The following IGF2BP2 variants were observed in gnomAD, a reference collection of about 807,000 sequenced individuals.
IGF2BP2 encodes the protein insulin-like growth factor 2 mRNA-binding protein 2.
In IGF2BP2, 17 loss-of-function variants were observed where a neutral mutation model predicts 75.8. The ratio of observed to expected loss-of-function variants is 0.22; its 90% CI spans 0.15 to 0.34. The LOEUF (loss-of-function observed/expected upper bound fraction) is 0.34, where lower values mean the gene tolerates loss of function less well. Among genes scored for constraint, IGF2BP2 ranks in the 10% least tolerant of loss-of-function variants. The probability of loss-of-function intolerance (pLI) is 1.00; values close to 1 mark genes in which losing one functional copy is unlikely to be tolerated. For synonymous variants in IGF2BP2, 288 were observed against 295.6 expected, an observed-to-expected ratio of 0.97 and a Z score of 0.26; for missense variants, 516 against 772.4, an observed-to-expected ratio of 0.67 and a Z score of 3.93.
intron 1 of IGF2BP2, 151 bp downstream of exon 1, chr3:185,824,632 G>C: frequency 2.4e-6 from 1 of 417,424 alleles, no homozygotes; most frequent in East Asian, 4.7e-5. Flanking sequence ...GAGCGGGCCG[G>C]CGGCGAGAGT....
intron 2 of IGF2BP2, among the ~76,000 whole-genome samples, chr3:185,802,511 A>G (rs569650768): frequency 8.0e-4 from 122 of 152,214 alleles, no homozygotes; most frequent in Non-Finnish European, 1.4e-3. Context: ...TGGCTAATGC[A>G]TCGTAGTGGG....
chr3:185,694,624 G>A (rs1286888331), intron 4 of IGF2BP2, among the ~76,000 whole-genome samples: 1 of 152,214 alleles, frequency 6.6e-6, no homozygotes, highest in Non-Finnish European at 1.5e-5. Context: ...GCTGGAAACT[G>A]GGGGGTCTCC....
intron 10 of IGF2BP2, among the ~76,000 whole-genome samples, chr3:185,668,034 G>C (rs930118369): frequency 6.6e-6 from 1 of 152,262 alleles, no homozygotes; most frequent in East Asian, 1.9e-4. Context: ...GAAAAAAAGT[G>C]TAACTTGTTT....
chr3:185,650,406 G>A (rs564632579), intron 13 of IGF2BP2, among the ~76,000 whole-genome samples: 1 of 152,108 alleles, frequency 6.6e-6, no homozygotes, highest in South Asian at 2.1e-4. Context: ...TCCAGGCGTG[G>A]TGGCTCACAC....
chr3:185,765,865 T>C (rs1578231181), intron 2 of IGF2BP2, among the ~76,000 whole-genome samples: 2 of 152,286 alleles, frequency 1.3e-5, no homozygotes, highest in East Asian at 3.9e-4. Context: ...GGGGGGAAAA[T>C]TCTTGTCCAC....
At chr3:185,782,492 A>G (rs1735340690) in intron 2 of IGF2BP2, among the ~76,000 whole-genome samples, 2 of 152,068 alleles carry the variant, frequency 1.3e-5, no homozygotes, top group Non-Finnish European at 2.9e-5. Flanking sequence ...GGTGTTCTCT[A>G]ATTTACCATG....
intron 7 of IGF2BP2, among the ~76,000 whole-genome samples, chr3:185,684,373 C>T (rs1390325355): frequency 1.3e-5 from 2 of 151,912 alleles, no homozygotes; most frequent in Non-Finnish European, 2.9e-5. Context: ...TCATTGGATA[C>T]TACATTTTTC....
Position 185,657,420 on chromosome 3 carries a change from GAAAGA to G in IGF2BP2, c.1270-23_1270-19del. 6.4e-7 allele frequency: 1 copy of G among 1,573,684 alleles called. No homozygotes were observed. The highest frequency in any genetic ancestry group is 2.2e-5 in the East Asian group (1 of 44,580). On this transcript the variant is annotated intron_variant, in intron 11 of 15. Coordinates refer to ENST00000382199, the MANE Select transcript of IGF2BP2 (RefSeq NM_006548.6). ...TCTGGATACTGGGAGGGCGAGACAA[GAAAGA>G]AGACATCATTCCAACCAGGCTTTCT...
At position 185,647,613 on chromosome 3, in the gene IGF2BP2, G is replaced by A. The variant is rs1196864844; in HGVS notation, c.1594-475C>T. Among the ~76,000 whole-genome samples the A allele has an allele frequency of 6.6e-6, 1 of 152,028 alleles. No individual in the cohort carries two copies. Among genetic ancestry groups the A allele is most frequent in the Non-Finnish European group, 1.5e-5 (1 of 68,006 alleles). ...CCTCCTCCTCGTTTTCACTCCTGCC[G>A]CCAAGACTTGCTCATGCTGTTCCTA... On this transcript the variant is annotated intron_variant, in intron 14 of 15. Transcript: ENST00000382199. This position sits in a 1 kb window ranked among gnomAD's most constrained non-coding sequence, Gnocchi z 4.9.
chr3:185,669,481 T>G (rs1425865183), intron 10 of IGF2BP2, among the ~76,000 whole-genome samples: 1 of 151,470 alleles, frequency 6.6e-6, no homozygotes, highest in Non-Finnish European at 1.5e-5. Flanking sequence ...AGAAATGTGT[T>G]TTTTGGGAAA....
intron 2 of IGF2BP2, among the ~76,000 whole-genome samples, chr3:185,775,998 C>T (rs980829920): frequency 6.6e-6 from 1 of 152,196 alleles, no homozygotes; most frequent in Admixed American, 6.5e-5. Context: ...AATCCCAGCA[C>T]TTTGGGTGGC....
intron 7 of IGF2BP2, among the ~76,000 whole-genome samples, chr3:185,679,588 T>C (rs1435616816): frequency 2.6e-5 from 4 of 152,096 alleles, no homozygotes; most frequent in African/African-American, 7.2e-5. Flanking sequence ...ATCATTCTTT[T>C]ATTTTATGTT....
chr3:185,821,036 T>A (rs1553900126), intron 2 of IGF2BP2: 6 of 1,535,628 alleles, frequency 3.9e-6, no homozygotes, highest in Non-Finnish European at 5.2e-6. Context: ...GCCATCAACG[T>A]GGTAGTGTCC....
chr3:185,792,921 G>C (rs1249378910), intron 2 of IGF2BP2, among the ~76,000 whole-genome samples: 1 of 151,952 alleles, frequency 6.6e-6, no homozygotes, highest in Non-Finnish European at 1.5e-5. Flanking sequence ...CTCATGAGCA[G>C]CCCACAGCTC....
intron 2 of IGF2BP2, among the ~76,000 whole-genome samples, chr3:185,808,135 AG>A (rs1238136592): frequency 3.7e-4 from 26 of 70,350 alleles, no homozygotes; most frequent in African/African-American, 2.1e-3. Context: ...AAAAAAAAAA[AG>A]AAAGAAAGAA....
intron 2 of IGF2BP2, among the ~76,000 whole-genome samples, chr3:185,762,406 G>A (rs866168287): frequency 2.0e-5 from 3 of 148,654 alleles, no homozygotes; most frequent in Admixed American, 6.7e-5. Flanking sequence ...GGTGGCAGGC[G>A]CCTGTAGTCC....
intron 2 of IGF2BP2, among the ~76,000 whole-genome samples, chr3:185,767,268 A>AT (rs1478743550): frequency 2.0e-5 from 3 of 152,220 alleles, no homozygotes; most frequent in Non-Finnish European, 2.9e-5. Flanking sequence ...TTTGTGCTTA[A>AT]TCTAGCTACT....
intron 2 of IGF2BP2, among the ~76,000 whole-genome samples, chr3:185,760,596 G>A (rs1053648306): frequency 2.0e-5 from 3 of 152,160 alleles, no homozygotes; most frequent in Admixed American, 2.0e-4. Context: ...CTGGCTTTCT[G>A]CCTCTGTGGA....
At chr3:185,755,173 G>C (rs1731453510) in intron 2 of IGF2BP2, among the ~76,000 whole-genome samples, 1 of 152,150 alleles carries the variant, frequency 6.6e-6, no homozygotes, top group Admixed American at 6.5e-5. Context: ...GGTTTAGTGG[G>C]CCAGGCCTGG....
Sources: allele counts gnomAD v4.1 joint callset (sites outside exome capture counted in the v4.1 genomes callset), GRCh38; gene constraint gnomAD v4.1.1; non-coding constraint Gnocchi (gnomAD v3.1); transcripts MANE v1.5; gene names NCBI Gene and HGNC (gene_info 2026-07-23, HGNC 2026-07-21).